Variants in ZFHX4 observed in about 807,000 individuals in gnomAD.
ZFHX4 encodes zinc finger homeobox protein 4.
A neutral mutation model predicts 267.6 loss-of-function variants in ZFHX4; 56 were observed. The ratio of observed to expected loss-of-function variants is 0.21; its 90% CI spans 0.17 to 0.26. The LOEUF (loss-of-function observed/expected upper bound fraction) is 0.26. ZFHX4 is among the 10% of genes least tolerant of loss of function. The probability of loss-of-function intolerance (pLI) is 1.00; values close to 1 mark genes in which losing one functional copy is unlikely to be tolerated. For synonymous variants in ZFHX4, 1,778 were observed against 1,665.6 expected (o/e 1.07, Z -1.64); for missense variants, 4,332 against 4,420.0 (o/e 0.98, Z 0.56).
At chr8:76,720,649 A>G (rs1808695851) in intron 3 of ZFHX4, among the ~76,000 whole-genome samples, 1 of 152,058 alleles carries the variant, frequency 6.6e-6, no homozygotes, top group Non-Finnish European at 1.5e-5. Flanking sequence ...AATACTTCAC[A>G]TTTTTATCAT....
intron 3 of ZFHX4, among the ~76,000 whole-genome samples, chr8:76,777,136 GTTA>G (rs1810419546): frequency 6.6e-6 from 1 of 152,084 alleles, no homozygotes; most frequent in Non-Finnish European, 1.5e-5. Context: ...TTGAATCACA[GTTA>G]TTAATATTCT....
chr8:76,819,142 GTTTTTTTTTT>G (rs11361228), intron 4 of ZFHX4, among the ~76,000 whole-genome samples: 2 of 127,614 alleles, frequency 1.6e-5, no homozygotes, highest in African/African-American at 2.9e-5. Flanking sequence ...GCTCATAAAG[GTTTTTTTTTT>G]TTTTTTTTTT....
At chr8:76,790,833 C>A (rs1188093968) in intron 4 of ZFHX4, among the ~76,000 whole-genome samples, 1 of 152,040 alleles carries the variant, frequency 6.6e-6, no homozygotes, top group Non-Finnish European at 1.5e-5. Flanking sequence ...AACTTGCTAC[C>A]TTTTAGGTTC....
intron 3 of ZFHX4, among the ~76,000 whole-genome samples, chr8:76,719,473 A>G (rs891344698): frequency 2.6e-5 from 4 of 152,112 alleles, no homozygotes; most frequent in Non-Finnish European, 5.9e-5. Flanking sequence ...TAGTTTCTCC[A>G]AAAAGCAAAT....
intron 3 of ZFHX4, among the ~76,000 whole-genome samples, chr8:76,723,249 TACA>T (rs1287816133): frequency 6.6e-6 from 1 of 151,994 alleles, no homozygotes; most frequent in African/African-American, 2.4e-5. Context: ...TTTGGTATGA[TACA>T]ACAATTTTTT....
Position 76,854,630 on chromosome 8 carries a change from C to T in ZFHX4, c.7709C>T (p.Ala2570Val). 2 of 1,613,720 alleles carry T rather than the reference C, an allele frequency of 1.2e-6. No homozygotes were observed. The highest frequency in any genetic ancestry group is 1.3e-5 in the African/African-American group (1 of 75,000). ...CAGGCCAGTTCCTCCCACACCACAG[C>T]CCCCACAACGGTTGCTGCTTCCCTA... is the stretch of plus-strand genomic sequence containing the variant. ...PPQASSSHTT[A>V]PTTVAASLKR... Residue 2570 changes from alanine (A) to valine (V), a missense_variant, in exon 10 of 11, where the codon GCC becomes GTC. Around this residue, in one of 7 missense-constraint regions of ZFHX4, gnomAD observed 1,648 missense variants for 1,625.0 expected, o/e 1.01. Coordinates refer to ENST00000651372, the MANE Select transcript of ZFHX4 (RefSeq NM_024721.5).
At chr8:76,735,399 C>T (rs1416928297) in intron 3 of ZFHX4, among the ~76,000 whole-genome samples, 1 of 152,022 alleles carries the variant, frequency 6.6e-6, no homozygotes, top group Non-Finnish European at 1.5e-5. Context: ...AAAAGCTCAT[C>T]TTTTCTATTT....
chr8:76,835,897 C>T (rs1340465626), intron 5 of ZFHX4, among the ~76,000 whole-genome samples: 1 of 152,100 alleles, frequency 6.6e-6, no homozygotes, highest in East Asian at 1.9e-4. Context: ...ATTCCCATAC[C>T]TTCTGGATGT....
At chr8:76,841,575 G>C (rs921792870) in intron 5 of ZFHX4, among the ~76,000 whole-genome samples, 1 of 152,146 alleles carries the variant, frequency 6.6e-6, no homozygotes, top group East Asian at 1.9e-4. Context: ...AAATAGAAGA[G>C]TGTATGCAAA....
chr8:76,705,823 C>G lies in ZFHX4; in HGVS notation c.1735C>G (p.Arg579Gly), dbSNP rs772303148. 1 of 1,613,600 alleles carries G rather than the reference C, an allele frequency of 6.2e-7. No homozygotes were observed. The highest frequency in any genetic ancestry group is 8.5e-7 in the Non-Finnish European group (1 of 1,179,852). ...ATAAHPSEIA[R>G]GDEDSSATPH... ...AGCTGCTCATCCAAGTGAAATAGCCCGGGGAGACGAAGACAGTTCAGCCAC... is the reference window on the plus strand; with the variant it reads ...AGCTGCTCATCCAAGTGAAATAGCCGGGGGAGACGAAGACAGTTCAGCCAC... Residue 579 changes from arginine (R) to glycine (G), a missense_variant, in exon 2 of 11, where the codon CGG (arginine) becomes GGG (glycine). Transcript: ENST00000651372.
At chr8:76,729,877 AAG>A (rs1808952936) in intron 3 of ZFHX4, among the ~76,000 whole-genome samples, 2 of 152,280 alleles carry the variant, frequency 1.3e-5, no homozygotes, top group Non-Finnish European at 1.5e-5. Flanking sequence ...ATCTCAAAAG[AAG>A]AAGAATAGGA....
At chr8:76,721,273 G>GA (rs1808714900) in intron 3 of ZFHX4, among the ~76,000 whole-genome samples, 1 of 152,078 alleles carries the variant, frequency 6.6e-6, no homozygotes, top group African/African-American at 2.4e-5. Flanking sequence ...TATGTTCTTT[G>GA]AAAAACATCT....
chr8:76,810,387 G>T (rs1034752070), intron 4 of ZFHX4, among the ~76,000 whole-genome samples: 17 of 152,276 alleles, frequency 1.1e-4, no homozygotes, highest in African/African-American at 3.9e-4. Context: ...TAGAGCTACA[G>T]CTGGTTACTT....
chr8:76,727,330 G>A (rs915738090), intron 3 of ZFHX4, among the ~76,000 whole-genome samples: 4 of 152,070 alleles, frequency 2.6e-5, no homozygotes, highest in Non-Finnish European at 5.9e-5. Flanking sequence ...CACAGAAGAT[G>A]ATGTACTGTT....
intron 10 of ZFHX4, among the ~76,000 whole-genome samples, chr8:76,858,903 T>C (rs1484284521): frequency 6.6e-6 from 1 of 152,220 alleles, no homozygotes; most frequent in East Asian, 1.9e-4. Context: ...GATTTAGTTA[T>C]GGAAAAGCCT....
chr8:76,823,105 A>G (rs1489500194), intron 4 of ZFHX4, among the ~76,000 whole-genome samples: 2 of 149,896 alleles, frequency 1.3e-5, no homozygotes, highest in Non-Finnish European at 3.0e-5. Flanking sequence ...TATAATTTGA[A>G]GTGTGATGGA....
chr8:76,782,005 C>T (rs1221814279), intron 4 of ZFHX4: 1 of 299,344 alleles, frequency 3.3e-6, no homozygotes, highest in Non-Finnish European at 6.7e-6. Context: ...TTTCAGAAAA[C>T]ATTTTATTCC....
chr8:76,759,692 T>C (rs1809858237), intron 3 of ZFHX4, among the ~76,000 whole-genome samples: 1 of 152,244 alleles, frequency 6.6e-6, no homozygotes, highest in African/African-American at 2.4e-5. Context: ...CATTAGATAT[T>C]TTAACCTTTA....
rs1460086386 is a variant in ZFHX4 at position 76,832,302 on chromosome 8, A to G, written c.3326-1036A>G. Reference sequence around the variant, plus strand: ...CTTTTCAGACTTTAAAGACTATATCATGTTACACCTTTAGTTGTATTATTT... The same window carrying G: ...CTTTTCAGACTTTAAAGACTATATCGTGTTACACCTTTAGTTGTATTATTT... On this transcript the variant is annotated intron_variant, in intron 4 of 10. Transcript: ENST00000651372. 3.9e-5 allele frequency among the ~76,000 whole-genome samples: 6 copies of G among 152,096 alleles called. No homozygotes were observed. The East Asian group carries it at 1.2e-3, about 29-fold the overall frequency.
Sources: gnomAD v4.1 joint callset for allele counts (sites outside exome capture counted in the v4.1 genomes callset) on GRCh38, gnomAD v4.1.1 for gene constraint, gnomAD v4.1.1 regional missense constraint, MANE v1.5 for transcripts, NCBI Gene and HGNC (gene_info 2026-07-23, HGNC 2026-07-21) for gene names.